ATP10B: variants seen among roughly 807,000 people sequenced by gnomAD.
ATP10B encodes the protein ATPase phospholipid transporting 10B (putative), also known as phospholipid-transporting ATPase VB.
ATP10B carries 122 observed loss-of-function variants against 141.2 expected under a neutral mutation model. The observed-to-expected ratio is 0.86, with a 90% CI of 0.75 to 1.00. The LOEUF (loss-of-function observed/expected upper bound fraction) is 1.00, where lower values mean the gene tolerates loss of function less well. Ranked by LOEUF, ATP10B falls within the 50% of genes least tolerant of loss-of-function variation. The pLI is 0.00. For missense variants in ATP10B, 1,876 were observed against 1,825.3 expected (o/e 1.03, Z -0.51); for synonymous variants, 685 against 692.0 (o/e 0.99, Z 0.16).
intron 25 of ATP10B, 75 bp from the exon 26 acceptor site, chr5:160,565,975 T>G: frequency 7.2e-7 from 1 of 1,388,386 alleles, no homozygotes; most frequent in South Asian, 1.4e-5. Flanking sequence ...AAAGATAGTC[T>G]TTAGAATCCA....
intron 24 of ATP10B, among the ~76,000 whole-genome samples, chr5:160,571,963 C>G (rs1342503441): frequency 9.2e-5 from 14 of 152,050 alleles, no homozygotes; most frequent in Non-Finnish European, 4.4e-5. Context: ...AAGTCACAGC[C>G]TTTGGGATCC....
At chr5:160,757,946 AC>A (rs1768752211) in intron 2 of ATP10B, among the ~76,000 whole-genome samples, 1 of 152,178 alleles carries the variant, frequency 6.6e-6, no homozygotes, top group Non-Finnish European at 1.5e-5. Context: ...AAGTGTGGCA[AC>A]CAAAAATGTC....
intron 2 of ATP10B, among the ~76,000 whole-genome samples, chr5:160,742,156 C>T (rs1235842658): frequency 6.6e-6 from 1 of 152,192 alleles, no homozygotes; most frequent in African/African-American, 2.4e-5. Flanking sequence ...GGCTAGCTAG[C>T]ATGGGACCAT....
intron 2 of ATP10B, among the ~76,000 whole-genome samples, chr5:160,760,743 C>T (rs1033031203): frequency 6.6e-6 from 1 of 152,160 alleles, no homozygotes; most frequent in Middle Eastern, 3.4e-3. Context: ...CTGTCACTGC[C>T]GGCTTTCCCC....
chr5:160,636,174 C>G lies in ATP10B; in HGVS notation c.1128+8G>C. 1 of 1,593,480 alleles carries G rather than the reference C, an allele frequency of 6.3e-7. No homozygotes were observed. The highest frequency in any genetic ancestry group is 8.5e-7 in the Non-Finnish European group (1 of 1,170,636). ...TTATTGGGCCCCTAGTTAGGGAGGG[C>G]TTCCTACCTGGAGCAGGATGATCAT... On this transcript the variant is annotated splice_region_variant and intron_variant, in intron 11 of 25. Transcript: ENST00000327245.
chr5:160,837,446 G>C (rs1223810348), intron 1 of ATP10B, among the ~76,000 whole-genome samples: 1 of 152,116 alleles, frequency 6.6e-6, no homozygotes, highest in Non-Finnish European at 1.5e-5. Context: ...TTCTGAAAGG[G>C]AAACCCATGT....
intron 2 of ATP10B, among the ~76,000 whole-genome samples, chr5:160,719,488 A>G (rs1328497452): frequency 6.6e-6 from 1 of 152,246 alleles, no homozygotes; most frequent in Non-Finnish European, 1.5e-5. Flanking sequence ...TTGTGTTTGT[A>G]TGCCTTGCCT....
chr5:160,686,882 A>G, intron 5 of ATP10B: 1 of 888,314 alleles, frequency 1.1e-6, no homozygotes, highest in Non-Finnish European at 1.3e-6. Context: ...TACAATATTG[A>G]GGGTGATATA....
intron 1 of ATP10B, among the ~76,000 whole-genome samples, chr5:160,830,548 T>C (rs977329778): frequency 1.2e-4 from 19 of 152,114 alleles, no homozygotes; most frequent in African/African-American, 4.6e-4. Context: ...GTAGATTGAT[T>C]TGAGCCTTAC....
intron 24 of ATP10B, among the ~76,000 whole-genome samples, chr5:160,586,925 T>A (rs1755948184): frequency 6.6e-6 from 1 of 152,238 alleles, no homozygotes. Flanking sequence ...GCCTTTTCAC[T>A]CTGATGATAC....
intron 2 of ATP10B, among the ~76,000 whole-genome samples, chr5:160,734,675 A>G (rs1411618499): frequency 1.3e-5 from 2 of 152,066 alleles, no homozygotes; most frequent in African/African-American, 4.8e-5. Context: ...GGAAAAGAGG[A>G]ACAACAACTA....
At position 160,587,832 on chromosome 5, in the gene ATP10B, T is replaced by TA. The variant is rs202167751; in HGVS notation, c.3750+1759dup. Among the ~76,000 whole-genome samples the TA allele has an allele frequency of 9.4e-3, 1,426 of 152,220 alleles. 18 individuals carry two copies. Among genetic ancestry groups the TA allele is most frequent in the African/African-American group, 0.032 (1,346 of 41,546 alleles). On this transcript the variant is annotated intron_variant, in intron 24 of 25. Transcript: ENST00000327245. ...CATCAGCTTAAGGAGTTTTTGGGCT[T>TA]AGATAATCTTTTATTTTTTCTTTTG...
At chr5:160,738,159 G>GAA (rs1240362484) in intron 2 of ATP10B, among the ~76,000 whole-genome samples, 1 of 151,986 alleles carries the variant, frequency 6.6e-6, no homozygotes, top group African/African-American at 2.4e-5. Flanking sequence ...TTAAGTATTT[G>GAA]AAAATTAAAC....
At chr5:160,649,013 A>T (rs1401583591) in intron 8 of ATP10B, among the ~76,000 whole-genome samples, 158 bp downstream of exon 8, 3 of 151,630 alleles carry the variant, frequency 2.0e-5, no homozygotes, top group African/African-American at 7.3e-5. Flanking sequence ...AAATAGAAAA[A>T]GTTTCCCAAT....
At chr5:160,636,446 T>G in intron 10 of ATP10B, 137 bp from the exon 11 acceptor site, 10 of 528,348 alleles carry the variant, frequency 1.9e-5, no homozygotes, top group East Asian at 4.6e-5. Flanking sequence ...AATGTAGCTC[T>G]GTGTGTGTGT....
chr5:160,897,445 A>C, the ATP10B span, among the ~76,000 whole-genome samples: 1 of 151,990 alleles, frequency 6.6e-6, no homozygotes, highest in South Asian at 2.1e-4. Flanking sequence ...ATTCACAATT[A>C]CTACAAAGAA....
intron 3 of ATP10B, among the ~76,000 whole-genome samples, chr5:160,693,844 A>G (rs1764218688): frequency 6.6e-6 from 1 of 152,222 alleles, no homozygotes. Flanking sequence ...ACAGCAGGCA[A>G]TGCTCGCCTG....
At chr5:160,659,557 G>A (rs540421095) in intron 7 of ATP10B, among the ~76,000 whole-genome samples, 2 of 151,982 alleles carry the variant, frequency 1.3e-5, no homozygotes, top group Non-Finnish European at 2.9e-5. Context: ...AGGCTCTAAA[G>A]GAAAAGACCT....
At chr5:160,654,702 T>C (rs1283658101) in intron 7 of ATP10B, among the ~76,000 whole-genome samples, 1 of 151,500 alleles carries the variant, frequency 6.6e-6, no homozygotes, top group Non-Finnish European at 1.5e-5. Context: ...ATTGTCGTCA[T>C]CGTCATCATC....
Sources: gnomAD v4.1 joint callset for allele counts (sites outside exome capture counted in the v4.1 genomes callset) on GRCh38, gnomAD v4.1.1 for gene constraint, MANE v1.5 for transcripts, NCBI Gene and HGNC (gene_info 2026-07-23, HGNC 2026-07-21) for gene names.